Variants in CELF2 observed in about 807,000 individuals in gnomAD.
CELF2 encodes the protein CUG triplet repeat RNA-binding protein 2.
A neutral mutation model predicts 62.6 loss-of-function variants in CELF2; 8 were observed. The ratio of observed to expected loss-of-function variants is 0.13; its 90% confidence interval spans 0.07 to 0.23. The LOEUF (loss-of-function observed/expected upper bound fraction) is 0.23. Ranked by LOEUF, CELF2 falls within the 10% of genes least tolerant of loss-of-function variation. The pLI is 1.00. For synonymous variants in CELF2, 258 were observed against 250.0 expected (o/e 1.03, Z -0.30); for missense variants, 333 against 671.0 (o/e 0.50, Z 5.56).
chr10:11,079,740 A>ACCC (rs2073351066), intron 1 of CELF2, among the ~76,000 whole-genome samples: 1 of 78,174 alleles, frequency 1.3e-5, no homozygotes, highest in African/African-American at 8.2e-5. Flanking sequence ...GGACTAATAC[A>ACCC]GCCCCCCCCC....
intron 1 of CELF2, among the ~76,000 whole-genome samples, chr10:11,036,767 G>T (rs889351583): frequency 6.6e-6 from 1 of 152,206 alleles, no homozygotes; most frequent in Non-Finnish European, 1.5e-5. Context: ...CTCATGGGCG[G>T]CTGAGGGAGG....
At chr10:10,932,007 GC>G (rs2066118607) in intron 2 of CELF2, among the ~76,000 whole-genome samples, 1 of 152,062 alleles carries the variant, frequency 6.6e-6, no homozygotes. Context: ...GGAAAGACCT[GC>G]CCCCATGATT....
the CELF2 span, among the ~76,000 whole-genome samples, chr10:10,787,460 C>G: frequency 1.3e-5 from 2 of 152,134 alleles, no homozygotes; most frequent in Admixed American, 1.3e-4. Context: ...AAAGTGAACT[C>G]AAGCTTTTTC....
rs1203417729 is a variant in CELF2 at position 11,102,240 on chromosome 10, G to C, written c.75-63246G>C. The C allele has an allele frequency of 2.0e-5, 3 of 152,286 alleles. No individual in the cohort carries two copies. In the East Asian group the frequency reaches 5.8e-4, roughly 29 times the overall value. The allele number at this position is 152,286 out of a possible 1,614,324, so 9.4% of individuals were successfully genotyped here. A position where few individuals can be genotyped will look rare whatever the true frequency, so the allele number is the denominator to read the frequency against. ...AGCTTTTACTTAAGCCTTCCTTCCA[G>C]TCCATGGCAAAAATAGGACTTCAGT... On this transcript the variant is annotated intron_variant, in intron 1 of 12. Coordinates refer to ENST00000633077, the MANE Select transcript of CELF2 (RefSeq NM_001326342.2).
chr10:10,867,688 C>G (rs2060474011), intron 1 of CELF2, among the ~76,000 whole-genome samples: 1 of 152,232 alleles, frequency 6.6e-6, no homozygotes, highest in African/African-American at 2.4e-5. Flanking sequence ...ATTCTGTCTT[C>G]CTTCCTCATC....
intron 2 of CELF2, among the ~76,000 whole-genome samples, chr10:11,210,673 G>A (rs1000611141): frequency 8.5e-5 from 13 of 152,172 alleles, no homozygotes; most frequent in Non-Finnish European, 1.2e-4. Flanking sequence ...TGCTTCAGGC[G>A]GGTGGCTGCA....
intron 1 of CELF2, among the ~76,000 whole-genome samples, chr10:11,120,998 C>T (rs2057634207): frequency 6.6e-6 from 1 of 152,156 alleles, no homozygotes; most frequent in Non-Finnish European, 1.5e-5. Context: ...GGTGTGTAGC[C>T]TGTAAATGAG....
At chr10:11,228,946 A>C (rs923689095) in intron 3 of CELF2, among the ~76,000 whole-genome samples, 2 of 152,202 alleles carry the variant, frequency 1.3e-5, no homozygotes, top group African/African-American at 4.8e-5. Context: ...GTTTCTTTGA[A>C]TGTTATGTGG....
chr10:10,509,673 T>C, the CELF2 span, among the ~76,000 whole-genome samples: 2 of 152,170 alleles, frequency 1.3e-5, no homozygotes, highest in Admixed American at 1.3e-4. Context: ...CCTTTGACTC[T>C]AGAAAATAAT....
In CELF2 at chr10:11,145,550, A is replaced by G. The variant is rs2132434983; in HGVS notation, c.75-19936A>G. On this transcript the variant is annotated intron_variant, in intron 1 of 12. Coordinates refer to ENST00000633077, the MANE Select transcript of CELF2 (RefSeq NM_001326342.2). This position sits in a 1 kb window ranked among gnomAD's most constrained non-coding sequence, Gnocchi z 4.3. ...GATAGAATTTTTCTGGGAAATCTATATTCTCAAATCAGCTACTGAAAAGGG... is the reference window on the plus strand; with the variant it reads ...GATAGAATTTTTCTGGGAAATCTATGTTCTCAAATCAGCTACTGAAAAGGG... Among the ~76,000 whole-genome samples, 1 of 152,370 alleles carries G rather than the reference A, an allele frequency of 6.6e-6. No homozygotes were observed. The highest frequency in any genetic ancestry group is 1.9e-4 in the East Asian group (1 of 5,186).
At chr10:10,762,982 A>G in the CELF2 span, among the ~76,000 whole-genome samples, 1 of 152,224 alleles carries the variant, frequency 6.6e-6, no homozygotes, top group Non-Finnish European at 1.5e-5. Context: ...AGCCAACCAC[A>G]TTTTTAGAGC....
At chr10:10,841,500 C>G (rs1464497329) in intron 1 of CELF2, among the ~76,000 whole-genome samples, 3 of 150,824 alleles carry the variant, frequency 2.0e-5, no homozygotes, top group Admixed American at 2.0e-4. Flanking sequence ...GTTAGAGCAC[C>G]ATTTGTTGAA....
At chr10:11,281,010 G>GTGTGTT (rs2088429383) in intron 8 of CELF2, among the ~76,000 whole-genome samples, 1 of 151,658 alleles carries the variant, frequency 6.6e-6, no homozygotes, top group African/African-American at 2.4e-5. Flanking sequence ...GTGTGTGTGT[G>GTGTGTT]TGTGTGTGTG....
At chr10:10,933,391 CAG>C (rs777191520) in intron 2 of CELF2, among the ~76,000 whole-genome samples, 1 of 152,184 alleles carries the variant, frequency 6.6e-6, no homozygotes, top group African/African-American at 2.4e-5. Context: ...AAAATCAAAT[CAG>C]GGTATTTAGC....
Position 10,997,624 on chromosome 10 carries a change from A to C in CELF2, c.89+77625A>C, listed in dbSNP as rs542567774. ...CTCTGACCTGGCACTTTGAGCAGGAAGAAAGGGAGTTGCTTGTGCCTTTGC... is the reference window on the plus strand; with the variant it reads ...CTCTGACCTGGCACTTTGAGCAGGACGAAAGGGAGTTGCTTGTGCCTTTGC... On this transcript the variant is annotated intron_variant, in intron 2 of 13. Transcript: ENST00000636488. This position sits in a 1 kb window ranked among gnomAD's most constrained non-coding sequence, Gnocchi z 5.3. Among the ~76,000 whole-genome samples, 16 of 152,370 alleles carry C rather than the reference A, an allele frequency of 1.1e-4. No homozygotes were observed. The highest frequency in any genetic ancestry group is 9.8e-4 in the Admixed American group (15 of 15,306).
the CELF2 span, among the ~76,000 whole-genome samples, chr10:10,555,520 C>T: frequency 6.6e-6 from 1 of 152,096 alleles, no homozygotes; most frequent in Admixed American, 6.6e-5. Context: ...TTTTTATACT[C>T]GTGAGGATAA....
rs2071784821 is a variant in CELF2 at position 11,237,302 on chromosome 10, A to G, written c.355-11851A>G. Among the ~76,000 whole-genome samples the G allele has an allele frequency of 6.6e-6, 1 of 152,192 alleles. No individual in the cohort carries two copies. The highest frequency in any genetic ancestry group is 6.5e-5 in the Admixed American group (1 of 15,276). The stretch of plus-strand genomic sequence containing the variant: ...TTAGGTGAGAGGTCTGAGAAGCTGG[A>G]AGAGCTGCCCCCATCCCGGGGTTGA... On this transcript the variant is annotated intron_variant, in intron 3 of 12. Coordinates refer to ENST00000633077, the MANE Select transcript of CELF2 (RefSeq NM_001326342.2). This position sits in a 1 kb window ranked among gnomAD's most constrained non-coding sequence, Gnocchi z 4.0.
At position 11,296,689 on chromosome 10, in the gene CELF2, A is replaced by C. The variant is rs114739088; in HGVS notation, c.976+8137A>C. ...ATTGGCCACCTACAAACACAAGCAA[A>C]ATGTACCGACCTGTACAGCACAGAC... On this transcript the variant is annotated intron_variant, in intron 9 of 12. Coordinates refer to ENST00000633077, the MANE Select transcript of CELF2 (RefSeq NM_001326342.2). This position sits in a 1 kb window ranked among gnomAD's most constrained non-coding sequence, Gnocchi z 5.0. Among the ~76,000 whole-genome samples, 35 of 152,308 alleles carry C rather than the reference A, an allele frequency of 2.3e-4. No individual in the cohort carries two copies. Among genetic ancestry groups the C allele is most frequent in the African/African-American group, 7.7e-4 (32 of 41,574 alleles).
rs1459595747 is a variant in CELF2, at chr10:11,318,099, T to C, written c.1097-3090T>C. 6.6e-6 allele frequency: 1 copy of C among 152,304 alleles called. No individual in the cohort carries two copies. Among genetic ancestry groups the C allele is most frequent in the Admixed American group, 6.5e-5 (1 of 15,282 alleles). 9.4% of individuals were successfully genotyped at this position (152,304 alleles called of 1,614,324 possible). A position where few individuals can be genotyped will look rare whatever the true frequency, so the allele number is the denominator to read the frequency against. On this transcript the variant is annotated intron_variant, in intron 10 of 12. Coordinates refer to ENST00000633077, the MANE Select transcript of CELF2 (RefSeq NM_001326342.2). The surrounding 1 kb of genome is among the most constrained non-coding windows in gnomAD (Gnocchi z 5.4). ...TGCCTGCAGCTGGGTTGACCAACAC[T>C]GTCTTTGATAGAATTAATCTAGAAC...
Sources: gnomAD v4.1 joint callset for allele counts (sites outside exome capture counted in the v4.1 genomes callset) on GRCh38, gnomAD v4.1.1 for gene constraint, Gnocchi (gnomAD v3.1) non-coding constraint, MANE v1.5 for transcripts, NCBI Gene and HGNC (gene_info 2026-07-23, HGNC 2026-07-21) for gene names.